The following HEATR5B variants were observed in gnomAD, a reference collection of about 807,000 sequenced individuals.
HEATR5B encodes HEAT repeat containing 5B, also known as HEAT repeat-containing protein 5B.
In HEATR5B, 156 loss-of-function variants were observed where a neutral mutation model predicts 224.1. The ratio of observed to expected loss-of-function variants is 0.70; its 90% CI spans 0.61 to 0.80. The LOEUF is 0.80. HEATR5B is among the 30% of genes least tolerant of loss of function. HEATR5B has a pLI of 0.00. For missense variants in HEATR5B, 2,323 were observed against 2,535.5 expected, an observed-to-expected ratio of 0.92 and a Z score of 1.80; for synonymous variants, 1,027 against 893.0, an observed-to-expected ratio of 1.15 and a Z score of -2.68.
At chr2:37,054,216 T>C (rs1321357127) in intron 16 of HEATR5B, among the ~76,000 whole-genome samples, 10 of 133,338 alleles carry the variant, frequency 7.5e-5, no homozygotes, top group African/African-American at 2.3e-4. Context: ...TTTTTTGAGA[T>C]GGAGTTTCGC....
intron 27 of HEATR5B, among the ~76,000 whole-genome samples, chr2:37,011,836 G>A (rs1572799040): frequency 6.6e-6 from 1 of 152,066 alleles, no homozygotes; most frequent in African/African-American, 2.4e-5. Context: ...AAACATTTTT[G>A]TAAACTTACC....
intron 22 of HEATR5B, among the ~76,000 whole-genome samples, chr2:37,029,466 C>T (rs1668982179): frequency 6.6e-6 from 1 of 151,678 alleles, no homozygotes; most frequent in African/African-American, 2.4e-5. Context: ...GAGTTCGAGA[C>T]CAGCCTGGCC....
At chr2:37,035,416 T>C (rs998390621) in intron 21 of HEATR5B, among the ~76,000 whole-genome samples, 5 of 152,222 alleles carry the variant, frequency 3.3e-5, no homozygotes, top group Admixed American at 2.6e-4. Context: ...CACTCCGTTG[T>C]GTTCCATTTG....
At chr2:37,033,590 A>T (rs182603038) in intron 21 of HEATR5B, among the ~76,000 whole-genome samples, 1 of 152,350 alleles carries the variant, frequency 6.6e-6, no homozygotes, top group Admixed American at 6.5e-5. Context: ...GCCTTTTGCC[A>T]CAGTATTTTT....
intron 33 of HEATR5B, among the ~76,000 whole-genome samples, chr2:36,996,539 C>G (rs1666724762): frequency 6.6e-6 from 1 of 151,666 alleles, no homozygotes; most frequent in Non-Finnish European, 1.5e-5. Context: ...ACCTTGGCCT[C>G]CCAAGTAGAT....
Position 37,049,665 on chromosome 2 carries a change from T to C in HEATR5B, c.2684A>G (p.Tyr895Cys), listed in dbSNP as rs754390613. 1 of 1,613,694 alleles carries C rather than the reference T, an allele frequency of 6.2e-7. No individual in the cohort carries two copies. Among genetic ancestry groups the C allele is most frequent in the Non-Finnish European group, 8.5e-7 (1 of 1,179,840 alleles). The change falls in exon 18 of 36, where the codon TAT becomes TGT. Residue 895 changes from tyrosine (Y) to cysteine (C), a missense_variant. Physicochemically the swap from Tyr to Cys is radical, Grantham distance 194. This residue lies in a region of HEATR5B where 170 missense variants were observed against 216.7 expected (regional missense o/e 0.78). Coordinates refer to ENST00000233099, the MANE Select transcript of HEATR5B (RefSeq NM_019024.3). The stretch of plus-strand genomic sequence containing the variant: ...GAAACCCACTTACTTGTCAAAGCTA[T>C]ATTGGGCCATTCTAGCAATAAAAGT... Reference protein sequence around the residue: ...EATFIARMAQYSFDKLKSARD... With the variant: ...EATFIARMAQCSFDKLKSARD...
chr2:36,987,254 C>T (rs1572732022), intron 35 of HEATR5B, among the ~76,000 whole-genome samples: 2 of 151,932 alleles, frequency 1.3e-5, no homozygotes, highest in East Asian at 1.9e-4. Context: ...GGTGGTGAAA[C>T]CCCATCTCTA....
chr2:37,020,970 T>C, intron 24 of HEATR5B, 134 bp from the exon 25 acceptor site: 1 of 578,246 alleles, frequency 1.7e-6, no homozygotes, highest in South Asian at 2.6e-5. Context: ...ATAGCAAAGA[T>C]ATTATATTCT....
At chr2:37,029,523 G>C (rs1456540939) in intron 22 of HEATR5B, among the ~76,000 whole-genome samples, 1 of 152,138 alleles carries the variant, frequency 6.6e-6, no homozygotes, top group Admixed American at 6.5e-5. Flanking sequence ...ATTTAGCTGG[G>C]CATGGTGGCG....
intron 12 of HEATR5B, among the ~76,000 whole-genome samples, chr2:37,059,400 A>ATGTG (rs1341555176): frequency 2.3e-5 from 3 of 131,712 alleles, no homozygotes; most frequent in African/African-American, 8.3e-5. Flanking sequence ...ACAGATATAT[A>ATGTG]TGTATATGTG....
Position 37,064,737 on chromosome 2 carries a change from T to A in HEATR5B, c.1584+3A>T. ...ATTCCCAAGTCTAGGATCTCCGTCA[T>A]ACCTTTCCTTTGGCATGAGGAATGC... On this transcript the variant is annotated splice_donor_region_variant and intron_variant, in intron 10 of 35. Transcript: ENST00000233099. 1 of 1,613,934 alleles carries A rather than the reference T, an allele frequency of 6.2e-7. No individual in the cohort carries two copies. The highest frequency in any genetic ancestry group is 8.5e-7 in the Non-Finnish European group (1 of 1,179,914).
At chr2:37,051,895 A>G (rs999607263) in intron 17 of HEATR5B, among the ~76,000 whole-genome samples, 1 of 152,074 alleles carries the variant, frequency 6.6e-6, no homozygotes, top group African/African-American at 2.4e-5. Flanking sequence ...ACCTGACACC[A>G]CGCCTGGCTA....
chr2:37,071,130 A>ACATCATCATCAT (rs57358811), intron 6 of HEATR5B, among the ~76,000 whole-genome samples: 2 of 151,084 alleles, frequency 1.3e-5, no homozygotes, highest in African/African-American at 4.9e-5. Flanking sequence ...TTAAAACATT[A>ACATCATCATCAT]CATCATCATC....
chr2:37,046,669 C>T (rs1038059582), intron 18 of HEATR5B, among the ~76,000 whole-genome samples: 5 of 150,084 alleles, frequency 3.3e-5, no homozygotes, highest in Non-Finnish European at 5.9e-5. Flanking sequence ...TATTGAGAGA[C>T]GAATAATCAT....
chr2:37,045,886 A>G (rs1670159017), intron 18 of HEATR5B, among the ~76,000 whole-genome samples: 3 of 152,164 alleles, frequency 2.0e-5, no homozygotes, highest in Non-Finnish European at 4.4e-5. Flanking sequence ...CTGTTGTCCA[A>G]TGTCTCAAAA....
At chr2:37,003,809 G>T in intron 30 of HEATR5B, 123 bp from the exon 31 acceptor site, 1 of 567,378 alleles carries the variant, frequency 1.8e-6, no homozygotes. Context: ...TTAAAATATA[G>T]GACTACGTAA....
intron 35 of HEATR5B, among the ~76,000 whole-genome samples, chr2:36,984,211 A>T (rs1321103382): frequency 1.1e-5 from 1 of 88,636 alleles, no homozygotes; most frequent in Non-Finnish European, 2.3e-5. Context: ...AAAAAAAAAA[A>T]AAAAATATAT....
At position 36,999,034 on chromosome 2, in the gene HEATR5B, G is replaced by A. The variant is rs1457932363; in HGVS notation, c.5545+1552C>T. ...TCAAGACCAGGCTGGCCAACATGGT[G>A]AAACCCCGTCTCTACTAAAAATACA... is the stretch of plus-strand genomic sequence containing the variant. On this transcript the variant is annotated intron_variant, in intron 33 of 35. Coordinates refer to ENST00000233099, the MANE Select transcript of HEATR5B (RefSeq NM_019024.3). Among the ~76,000 whole-genome samples the A allele has an allele frequency of 3.9e-5, 6 of 152,058 alleles. No individual in the cohort carries two copies. The East Asian group carries it at 1.2e-3, about 29-fold the overall frequency.
intron 33 of HEATR5B, among the ~76,000 whole-genome samples, chr2:36,997,544 C>T (rs919394775): frequency 4.7e-5 from 7 of 149,376 alleles, no homozygotes; most frequent in Non-Finnish European, 8.9e-5. Context: ...CTTTCCTTGA[C>T]TTACAGTTAG....
Sources: allele counts gnomAD v4.1 joint callset (sites outside exome capture counted in the v4.1 genomes callset), GRCh38; gene constraint gnomAD v4.1.1; regional missense constraint gnomAD v4.1.1; transcripts MANE v1.5; gene names NCBI Gene and HGNC (gene_info 2026-07-23, HGNC 2026-07-21).